GRM8: variants seen among roughly 807,000 people sequenced by gnomAD.
GRM8 encodes glutamate metabotropic receptor 8.
A neutral mutation model predicts 87.2 loss-of-function variants in GRM8; 47 were observed. The ratio of observed to expected loss-of-function variants is 0.54; its 90% CI spans 0.43 to 0.69. GRM8 has a LOEUF of 0.69. Among genes scored for constraint, GRM8 ranks in the 30% least tolerant of loss-of-function variants. The probability of loss-of-function intolerance (pLI) is 0.00; values close to 1 mark genes in which losing one functional copy is unlikely to be tolerated. For synonymous variants in GRM8, 396 were observed against 404.5 expected (o/e 0.98, Z 0.25); for missense variants, 1,019 against 1,139.2 (o/e 0.89, Z 1.52).
chr7:127,061,096 A>G (rs1050880793), intron 3 of GRM8, among the ~76,000 whole-genome samples: 2 of 152,202 alleles, frequency 1.3e-5, no homozygotes, highest in African/African-American at 2.4e-5. Flanking sequence ...TTCTGTCCCC[A>G]TAGCTTTTCT....
intron 3 of GRM8, among the ~76,000 whole-genome samples, chr7:127,102,187 C>T (rs1825348835): frequency 6.6e-6 from 1 of 152,102 alleles, no homozygotes; most frequent in Non-Finnish European, 1.5e-5. Flanking sequence ...GATGTGGGAG[C>T]AAAGGAATGA....
chr7:126,470,913 G>C (rs1805113604), intron 9 of GRM8, among the ~76,000 whole-genome samples: 1 of 152,218 alleles, frequency 6.6e-6, no homozygotes, highest in East Asian at 1.9e-4. Context: ...TCTCATTGTG[G>C]TTTTGATTTG....
intron 1 of GRM8, among the ~76,000 whole-genome samples, chr7:127,248,719 C>G (rs148344333): frequency 2.5e-4 from 38 of 152,294 alleles, no homozygotes; most frequent in African/African-American, 8.7e-4. Context: ...ACAATCTGTC[C>G]TAGAACTAAA....
intron 9 of GRM8, among the ~76,000 whole-genome samples, chr7:126,492,017 G>A (rs1263387219): frequency 6.6e-6 from 1 of 151,842 alleles, no homozygotes; most frequent in Non-Finnish European, 1.5e-5. Flanking sequence ...ATTCCCACAA[G>A]CCTTAAAAAT....
chr7:126,460,615 T>C (rs536132271), intron 9 of GRM8, among the ~76,000 whole-genome samples: 97 of 151,700 alleles, frequency 6.4e-4, no homozygotes, highest in Admixed American at 5.6e-3. Flanking sequence ...CACAATCTTA[T>C]CTACGGCTGA....
intron 9 of GRM8, among the ~76,000 whole-genome samples, chr7:126,522,278 T>G (rs962592966): frequency 5.3e-5 from 8 of 152,214 alleles, no homozygotes; most frequent in African/African-American, 9.6e-5. Context: ...CAATATTTCT[T>G]GCCTGGATTT....
chr7:126,836,578 A>G (rs1235907263), intron 6 of GRM8, among the ~76,000 whole-genome samples: 1 of 152,014 alleles, frequency 6.6e-6, no homozygotes, highest in East Asian at 1.9e-4. Flanking sequence ...AGCAAGCTTC[A>G]TCCTACTTAT....
intron 3 of GRM8, among the ~76,000 whole-genome samples, chr7:127,078,344 A>G (rs958737416): frequency 6.6e-6 from 1 of 152,196 alleles, no homozygotes; most frequent in African/African-American, 2.4e-5. Context: ...GCTTAGCAGC[A>G]TAGATCATTC....
chr7:126,800,504 A>T (rs1822542963), intron 6 of GRM8, among the ~76,000 whole-genome samples: 1 of 152,174 alleles, frequency 6.6e-6, no homozygotes, highest in African/African-American at 2.4e-5. Flanking sequence ...AACATTAGTG[A>T]GTTAGAGGTT....
intron 8 of GRM8, among the ~76,000 whole-genome samples, chr7:126,558,501 C>T (rs1028386840): frequency 2.0e-5 from 3 of 152,072 alleles, no homozygotes; most frequent in African/African-American, 7.2e-5. Context: ...TTCCAGATGC[C>T]AAAATCCATG....
chr7:126,922,734 T>C (rs1190808740), intron 3 of GRM8, among the ~76,000 whole-genome samples: 1 of 152,106 alleles, frequency 6.6e-6, no homozygotes, highest in Non-Finnish European at 1.5e-5. Context: ...TGGGAGGTGA[T>C]TGGATCATGT....
At chr7:126,489,994 C>T (rs147967673) in intron 9 of GRM8, among the ~76,000 whole-genome samples, 2 of 152,166 alleles carry the variant, frequency 1.3e-5, no homozygotes, top group East Asian at 3.9e-4. Context: ...TACTCCCAAC[C>T]CCCCTGTAGT....
At position 127,023,285 on chromosome 7, in the gene GRM8, A is replaced by G. The variant is rs922120807; in HGVS notation, c.727+83211T>C. On this transcript the variant is annotated intron_variant, in intron 3 of 10. Transcript: ENST00000339582. ...GCAAATCTATTTTTAAGGCTTTGTT[A>G]TGAATTAGTGCCAACAACCCTCAGA... 1.2e-4 allele frequency among the ~76,000 whole-genome samples: 19 copies of G among 152,022 alleles called. 1 individual carries two copies. Among genetic ancestry groups the G allele is most frequent in the Non-Finnish European group, 2.4e-4 (16 of 67,986 alleles).
intron 9 of GRM8, among the ~76,000 whole-genome samples, chr7:126,468,687 T>C (rs867463758): frequency 1.3e-5 from 2 of 152,240 alleles, no homozygotes; most frequent in Middle Eastern, 6.8e-3. Context: ...AAAAAGAAAG[T>C]TCCAACCTGC....
intron 2 of GRM8, among the ~76,000 whole-genome samples, chr7:127,142,700 T>TTGGA (rs1024128256): frequency 5.3e-5 from 8 of 151,950 alleles, no homozygotes; most frequent in Admixed American, 2.0e-4. Context: ...GATGGATGGA[T>TTGGA]TGGATGGATG....
At chr7:126,541,447 A>T (rs1327518441) in intron 8 of GRM8, among the ~76,000 whole-genome samples, 1 of 152,230 alleles carries the variant, frequency 6.6e-6, no homozygotes, top group Non-Finnish European at 1.5e-5. Flanking sequence ...GAGATCATGA[A>T]GGGCCTTGTG....
chr7:126,780,660 G>A (rs960348105), intron 6 of GRM8, among the ~76,000 whole-genome samples: 1 of 139,000 alleles, frequency 7.2e-6, no homozygotes, highest in Non-Finnish European at 1.5e-5. Flanking sequence ...CAGCAGAAGA[G>A]TACAAGGAGT....
chr7:127,105,020 T>TA (rs1825679855), intron 3 of GRM8, among the ~76,000 whole-genome samples: 1 of 152,200 alleles, frequency 6.6e-6, no homozygotes, highest in African/African-American at 2.4e-5. Flanking sequence ...GGAAAACTTA[T>TA]TTCAATACAT....
intron 3 of GRM8, among the ~76,000 whole-genome samples, chr7:127,008,071 G>A (rs1035469059): frequency 5.9e-5 from 9 of 151,918 alleles, no homozygotes; most frequent in African/African-American, 1.9e-4. Context: ...ATGAAACAAA[G>A]AAAGACAAGC....
Sources: allele counts gnomAD v4.1 joint callset (sites outside exome capture counted in the v4.1 genomes callset), GRCh38; gene constraint gnomAD v4.1.1; transcripts MANE v1.5; gene names NCBI Gene and HGNC (gene_info 2026-07-23, HGNC 2026-07-21).